Variants in PARVB observed in about 807,000 individuals in gnomAD.
PARVB encodes parvin beta, also known as beta-parvin.
Under a neutral mutation model 47.0 loss-of-function variants are expected in PARVB, and 46 were observed. That is an observed-to-expected ratio of 0.98 (90% CI 0.77 to 1.25). The LOEUF (loss-of-function observed/expected upper bound fraction) is 1.25, where lower values mean the gene tolerates loss of function less well. Ranked by LOEUF, PARVB falls within the 50% of genes most tolerant of loss-of-function variation. The pLI, the probability that PARVB is intolerant of heterozygous loss-of-function variation, is 0.00. For synonymous variants in PARVB, 196 were observed against 196.3 expected, an observed-to-expected ratio of 1.00 and a Z score of 0.01; for missense variants, 473 against 471.6, an observed-to-expected ratio of 1.00 and a Z score of -0.03.
chr22:44,099,155 T>G (rs917422785), intron 2 of PARVB, among the ~76,000 whole-genome samples: 4 of 152,086 alleles, frequency 2.6e-5, no homozygotes, highest in African/African-American at 9.7e-5. Context: ...GAGAGAGGTG[T>G]GGTATAGAGC....
chr22:44,116,169 G>T (rs1179104832), intron 3 of PARVB: 1 of 152,296 alleles, frequency 6.6e-6, no homozygotes, highest in Non-Finnish European at 1.5e-5. Context: ...TGACAGTTTT[G>T]AGGATTACTG....
chr22:44,159,978 T>A (rs2054017503), intron 11 of PARVB, among the ~76,000 whole-genome samples: 1 of 152,202 alleles, frequency 6.6e-6, no homozygotes, highest in African/African-American at 2.4e-5. Flanking sequence ...TGAGCTGCTG[T>A]CCCCGAGGGT....
chr22:44,079,250 T>C (rs2051845181), intron 1 of PARVB, among the ~76,000 whole-genome samples: 2 of 152,212 alleles, frequency 1.3e-5, no homozygotes, highest in Admixed American at 6.5e-5. Context: ...TCACCGTTTT[T>C]AGTGACTTGA....
intron 1 of PARVB, among the ~76,000 whole-genome samples, chr22:44,028,528 C>T (rs1032472712): frequency 2.0e-5 from 3 of 152,108 alleles, no homozygotes; most frequent in Non-Finnish European, 2.9e-5. Flanking sequence ...TCTGGATGTG[C>T]CAGTTTGTTG....
intron 2 of PARVB, among the ~76,000 whole-genome samples, chr22:44,003,505 A>T (rs1417053126): frequency 6.6e-6 from 1 of 152,050 alleles, no homozygotes; most frequent in Non-Finnish European, 1.5e-5. Context: ...TCATCACCAA[A>T]CCTTAACCCA....
At chr22:44,044,737 T>G (rs1277562002) in intron 1 of PARVB, among the ~76,000 whole-genome samples, 1 of 150,858 alleles carries the variant, frequency 6.6e-6, no homozygotes, top group Admixed American at 6.6e-5. Flanking sequence ...CCACCTGCCT[T>G]GGCCTCCCAA....
chr22:44,056,222 C>A (rs1390520802), intron 1 of PARVB, among the ~76,000 whole-genome samples: 1 of 152,262 alleles, frequency 6.6e-6, no homozygotes, highest in Non-Finnish European at 1.5e-5. Context: ...GGCACCGCTG[C>A]CTCTGCTGTG....
At chr22:44,100,163 C>G (rs55853196) in intron 3 of PARVB, 40 bp downstream of exon 3, 1 of 1,526,788 alleles carries the variant, frequency 6.5e-7, no homozygotes, top group African/African-American at 1.4e-5. Flanking sequence ...CCTCTTAGGG[C>G]GAGGACTTGG....
At chr22:44,066,276 G>A (rs769733978) in intron 1 of PARVB, among the ~76,000 whole-genome samples, 1 of 152,180 alleles carries the variant, frequency 6.6e-6, no homozygotes, top group Non-Finnish European at 1.5e-5. Context: ...AAGCAGAGCC[G>A]GGGGATACTG....
upstream of PARVB, among the ~76,000 whole-genome samples, chr22:44,022,579 G>A (rs1413788028): frequency 1.3e-5 from 2 of 151,922 alleles, no homozygotes; most frequent in African/African-American, 4.8e-5. Context: ...TACTGCACTG[G>A]GGGGACTGGG....
chr22:44,067,960 C>T (rs1002244958), intron 1 of PARVB, among the ~76,000 whole-genome samples: 1 of 152,158 alleles, frequency 6.6e-6, no homozygotes, highest in Non-Finnish European at 1.5e-5. Flanking sequence ...ACTGTTGATC[C>T]TGGCCTCGAA....
rs148159441 is a variant in PARVB at position 44,053,458 on chromosome 22, C to T, written c.112+29007C>T. Among the ~76,000 whole-genome samples the T allele has an allele frequency of 2.1e-4, 32 of 152,296 alleles. No homozygotes were observed. The East Asian group carries it at 6.0e-3, about 28-fold the overall frequency. On this transcript the variant is annotated intron_variant, in intron 1 of 12. Transcript: ENST00000338758. ...CTGCTGCTCCCTGTGGCTTTCACAG[C>T]GCTGCCCTGAATGGGTGTTAGGGCA...
At chr22:44,042,584 G>A (rs550178309) in intron 1 of PARVB, among the ~76,000 whole-genome samples, 3 of 152,252 alleles carry the variant, frequency 2.0e-5, no homozygotes, top group Non-Finnish European at 4.4e-5. Context: ...TGCTGAGAAC[G>A]TCTGCACTTT....
chr22:44,102,842 C>T (rs1420702801), intron 3 of PARVB: 2 of 152,228 alleles, frequency 1.3e-5, no homozygotes, highest in Non-Finnish European at 2.9e-5. Context: ...CAGAGCAAGA[C>T]CCTGTCTCAA....
At chr22:44,111,086 T>C (rs946537040) in intron 3 of PARVB, 1 of 151,720 alleles carries the variant, frequency 6.6e-6, no homozygotes, top group African/African-American at 2.4e-5. Flanking sequence ...GTATGTCCCT[T>C]CAGGCTTCTC....
At chr22:44,001,181 C>T (rs968878215) in intron 2 of PARVB, among the ~76,000 whole-genome samples, 1 of 152,092 alleles carries the variant, frequency 6.6e-6, no homozygotes, top group African/African-American at 2.4e-5. Context: ...ACCCGGGAGG[C>T]GGAGCTTGCA....
In PARVB at chr22:44,168,904, A is replaced by C. The variant is rs1293033784; in HGVS notation, c.*226A>C. 5.8e-6 allele frequency: 3 copies of C among 519,468 alleles called. No individual in the cohort carries two copies. The highest frequency in any genetic ancestry group is 1.0e-5 in the Non-Finnish European group (3 of 288,536). The allele number at this position is 519,468 out of a possible 1,614,324, so 32.2% of individuals were successfully genotyped here. A position where few individuals can be genotyped will look rare whatever the true frequency, so the allele number is the denominator to read the frequency against. On this transcript the variant is annotated 3_prime_UTR_variant, in exon 13 of 13. Coordinates refer to ENST00000338758, the MANE Select transcript of PARVB (RefSeq NM_013327.5). ...TTCCCAGTGGGCAAGAGCCTTTGAA[A>C]ATGCAGGATTCTAAACACTCGTGCT...
At chr22:44,076,798 C>T (rs980497392) in intron 1 of PARVB, among the ~76,000 whole-genome samples, 2 of 152,068 alleles carry the variant, frequency 1.3e-5, no homozygotes, top group East Asian at 1.9e-4. Context: ...GGTGGCCTGC[C>T]CCAACTCCCC....
At chr22:44,101,740 C>G (rs923615951) in intron 3 of PARVB, among the ~76,000 whole-genome samples, 5 of 148,078 alleles carry the variant, frequency 3.4e-5, no homozygotes, top group African/African-American at 1.3e-4. Context: ...AAGAGTAAAA[C>G]TCCATCTCAC....
Sources: allele counts gnomAD v4.1 joint callset (sites outside exome capture counted in the v4.1 genomes callset), GRCh38; gene constraint gnomAD v4.1.1; transcripts MANE v1.5; gene names NCBI Gene and HGNC (gene_info 2026-07-23, HGNC 2026-07-21).